SEC16A: variants seen among roughly 807,000 people sequenced by gnomAD.
The protein encoded by SEC16A is SEC16 homolog A, endoplasmic reticulum export factor.
In SEC16A, 110 loss-of-function variants were observed where a neutral mutation model predicts 221.9. That is an observed-to-expected ratio of 0.50 (90% CI 0.42 to 0.58). The LOEUF is 0.58. SEC16A is among the 20% of genes least tolerant of loss of function. The probability of loss-of-function intolerance (pLI) is 0.00; values close to 1 mark genes in which losing one functional copy is unlikely to be tolerated. For synonymous variants in SEC16A, 1,393 were observed against 1,257.7 expected (o/e 1.11, Z -2.28); for missense variants, 3,165 against 3,097.8 (o/e 1.02, Z -0.52).
chr9:136,460,201 G>A (rs766719922), intron 13 of SEC16A, 78 bp from the exon 14 acceptor site: 48 of 1,198,632 alleles, frequency 4.0e-5, no homozygotes, highest in East Asian at 2.3e-4. Context: ...GATGGCTCAC[G>A]CCTGTAATCC....
chr9:136,460,865 A>C (rs1035604815), intron 13 of SEC16A, among the ~76,000 whole-genome samples: 6 of 152,232 alleles, frequency 3.9e-5, no homozygotes, highest in Non-Finnish European at 8.8e-5. Flanking sequence ...GTGAGCTGAG[A>C]TCGCGCCCCT....
intron 5 of SEC16A, among the ~76,000 whole-genome samples, chr9:136,468,046 C>T (rs927251424): frequency 6.6e-5 from 10 of 152,190 alleles, no homozygotes; most frequent in African/African-American, 1.4e-4. Context: ...CTGGTGGGAC[C>T]GAGGAGATGG....
rs776999704 is a variant in SEC16A, at chr9:136,459,160, C to T, written c.5383G>A (p.Glu1795Lys). ...AYEYAQSLGA[E>K]TCPLPSFQVF... ...TGGAAACTAGGCAGGGGGCAGGTCT[C>T]GGCACCCAGGGACTGGGCGTACTCA... is the stretch of plus-strand genomic sequence containing the variant. Residue 1795 changes from glutamate to lysine, a missense_variant, in exon 17 of 32, where the codon GAG (glutamate) becomes AAG (lysine). Around this residue, in one of 3 missense-constraint regions of SEC16A, gnomAD observed 1,088 missense variants for 1,089.6 expected, o/e 1.00. Transcript: ENST00000684901. This position sits in a 1 kb window ranked among gnomAD's most constrained non-coding sequence, Gnocchi z 6.1. 5.6e-6 allele frequency: 9 copies of T among 1,612,152 alleles called. No individual in the cohort carries two copies. Among genetic ancestry groups the T allele is most frequent in the Middle Eastern group, 3.3e-4 (2 of 6,082 alleles).
intron 4 of SEC16A, among the ~76,000 whole-genome samples, 163 bp from the exon 5 acceptor site, chr9:136,468,675 T>C (rs1462815195): frequency 6.6e-6 from 1 of 152,246 alleles, no homozygotes; most frequent in African/African-American, 2.4e-5. Flanking sequence ...GATGAGACTG[T>C]GGAATTTCCC....
In SEC16A at chr9:136,455,765, C is replaced by T. The variant is rs757322485; in HGVS notation, c.5693G>A (p.Gly1898Glu). ...KEGAGVWHQD[G>E]ALPQQCPGTP... ...GCCAGGACACTGCTGCGGGAGGGCT[C>T]CATCCTGATGCCATACTCCAGCCCC... The change falls in exon 20 of 32, where the codon GGA (glycine) becomes GAA (glutamate). Residue 1898 changes from glycine (G) to glutamate (E), a missense_variant. By Grantham distance (98) the Gly-to-Glu change is moderately conservative. Transcript: ENST00000684901. 12 of 1,600,750 alleles carry T rather than the reference C, an allele frequency of 7.5e-6. No individual in the cohort carries two copies. In the African/African-American group the frequency reaches 1.6e-4, roughly 21 times the overall value.
At chr9:136,461,332 G>A (rs1371240628) in intron 12 of SEC16A, 58 bp from the exon 13 acceptor site, 2 of 1,249,882 alleles carry the variant, frequency 1.6e-6, no homozygotes, top group East Asian at 2.5e-5. Flanking sequence ...CGTGACATGA[G>A]TCAAGACAGG....
chr9:136,442,127 C>T (rs890829109), intron 31 of SEC16A, among the ~76,000 whole-genome samples: 5 of 152,190 alleles, frequency 3.3e-5, no homozygotes, highest in African/African-American at 9.7e-5. Flanking sequence ...GCCTGGCTGT[C>T]CAGAGTCCAG....
Position 136,454,290 on chromosome 9 carries a change from A to G in SEC16A, c.5895T>C (p.Pro1965=), listed in dbSNP as rs778457747. The G allele has an allele frequency of 1.5e-5, 23 of 1,583,252 alleles. No individual in the cohort carries two copies. In the Admixed American group the frequency reaches 4.0e-4, roughly 28 times the overall value. Residue 1965 remains proline (P), a synonymous_variant, in exon 21 of 32, where the codon CCT becomes CCC. Transcript: ENST00000684901. ...GCACTGGGAACATCGGCACTCTGGC[A>G]GGACTGGCCAATGGGCCGTCAGGGA... ...QTLPDGPLAS[P]ARVPMFPVPL...
chr9:136,472,982 C>A (rs1310933394), intron 3 of SEC16A, among the ~76,000 whole-genome samples: 6 of 152,272 alleles, frequency 3.9e-5, no homozygotes, highest in Non-Finnish European at 7.3e-5. Context: ...CACCCCAGGG[C>A]TCCCAGCAGA....
upstream of SEC16A, chr9:136,483,953 G>A (rs1339381744): frequency 3.9e-6 from 1 of 258,920 alleles, no homozygotes; most frequent in Non-Finnish European, 6.0e-6. Flanking sequence ...AGCGTCCTGG[G>A]GTTTCCCCGA....
In SEC16A at chr9:136,440,745, G is replaced by A. The variant is rs902581722; in HGVS notation, c.*1010C>T. 1 of 152,504 alleles carries A rather than the reference G, an allele frequency of 6.6e-6. No homozygotes were observed. The allele number at this position is 152,504 out of a possible 1,614,324, so 9.4% of individuals were successfully genotyped here. On this transcript the variant is annotated 3_prime_UTR_variant, in exon 32 of 32. Coordinates refer to ENST00000684901, the MANE Select transcript of SEC16A (RefSeq NM_014866.2). Reference sequence around the variant, plus strand: ...GTTCCAGAGCTGCTGTCAAGAAACTGTGTTAAGATACTCTCCCCAAGTGCT... The same window carrying A: ...GTTCCAGAGCTGCTGTCAAGAAACTATGTTAAGATACTCTCCCCAAGTGCT...
Position 136,478,654 on chromosome 9 carries a change from A to G in SEC16A, c.-70+55T>C, listed in dbSNP as rs565066328. ...AGGTCGAGACCAGCCTGGGCAACAT[A>G]GCAAGACCTTGTCTCTACAAAAGAA... is the stretch of plus-strand genomic sequence containing the variant. On this transcript the variant is annotated intron_variant, in intron 2 of 31. Transcript: ENST00000684901. Among the ~76,000 whole-genome samples, 265 of 152,002 alleles carry G rather than the reference A, an allele frequency of 1.7e-3. 4 individuals carry two copies. In the South Asian group the frequency reaches 0.03, roughly 17 times the overall value.
chr9:136,448,210 A>C, intron 23 of SEC16A, 49 bp from the exon 24 acceptor site: 1 of 1,530,570 alleles, frequency 6.5e-7, no homozygotes, highest in Non-Finnish European at 9.0e-7. Flanking sequence ...ATGTTCCATG[A>C]AATAAGCCAG....
chr9:136,449,261 A>T (rs533094132), intron 23 of SEC16A, among the ~76,000 whole-genome samples: 1 of 151,770 alleles, frequency 6.6e-6, no homozygotes, highest in Middle Eastern at 3.4e-3. Flanking sequence ...TTGGTTTGTT[A>T]GTTTTCTGAG....
intron 11 of SEC16A, 82 bp downstream of exon 11, chr9:136,463,381 T>A: frequency 6.5e-7 from 1 of 1,550,382 alleles, no homozygotes; most frequent in Non-Finnish European, 8.8e-7. Flanking sequence ...GATCCCGCCC[T>A]GCTCCTTCGG....
At chr9:136,461,756 T>C (rs1232976329) in intron 12 of SEC16A, among the ~76,000 whole-genome samples, 2 of 152,130 alleles carry the variant, frequency 1.3e-5, no homozygotes, top group East Asian at 3.9e-4. Context: ...AGAAAGATGT[T>C]AATAAAAGCT....
chr9:136,453,653 T>C (rs1243068854), intron 21 of SEC16A, 143 bp from the exon 22 acceptor site: 4 of 668,960 alleles, frequency 6.0e-6, no homozygotes, highest in Non-Finnish European at 1.1e-5. Context: ...GCTGAACATC[T>C]TCCCACATGT....
rs763086465 is a variant in SEC16A at position 136,474,510 on chromosome 9, T to C, written c.3106A>G (p.Asn1036Asp). ...ACCTGCTGATAAAAACGGTCAAGGT[T>C]AGGCGCCCCAGGCCCAGATTGTCTG... ...HPRQSGPGAP[N>D]LDRFYQQVTK... The change falls in exon 3 of 32, where the codon AAC (asparagine) becomes GAC (aspartate). Residue 1036 changes from asparagine (N) to aspartate (D), a missense_variant. This residue lies in a region of SEC16A where 2,030 missense variants were observed against 1,923.1 expected (regional missense o/e 1.06). Coordinates refer to ENST00000684901, the MANE Select transcript of SEC16A (RefSeq NM_014866.2). 11 of 1,612,894 alleles carry C rather than the reference T, an allele frequency of 6.8e-6. No homozygotes were observed. The highest frequency in any genetic ancestry group is 9.3e-6 in the Non-Finnish European group (11 of 1,179,852).
At position 136,483,033 on chromosome 9, in the gene SEC16A, G is replaced by C; in HGVS notation, c.-287C>G. 1.0e-6 allele frequency: 1 copy of C among 985,110 alleles called. No individual in the cohort carries two copies. The highest frequency in any genetic ancestry group is 1.2e-6 in the Non-Finnish European group (1 of 829,732). 61.0% of individuals were successfully genotyped at this position (985,110 alleles called of 1,614,324 possible). A position where few individuals can be genotyped will look rare whatever the true frequency, so the allele number is the denominator to read the frequency against. On this transcript the variant is annotated 5_prime_UTR_variant, in exon 1 of 32. Transcript: ENST00000684901. ...CACCTCAGCCGCCGCAGCCATCTTG[G>C]CACATCCGGCTCGGGTCTCCGCGGC...
Sources: gnomAD v4.1 joint callset for allele counts (sites outside exome capture counted in the v4.1 genomes callset) on GRCh38, gnomAD v4.1.1 for gene constraint, gnomAD v4.1.1 regional missense constraint, Gnocchi (gnomAD v3.1) non-coding constraint, MANE v1.5 for transcripts, NCBI Gene and HGNC (gene_info 2026-07-23, HGNC 2026-07-21) for gene names.